Variants in GDF1 observed in about 807,000 individuals in gnomAD.
GDF1 encodes the protein embryonic growth/differentiation factor 1.
Under a neutral mutation model 7.4 loss-of-function variants are expected in GDF1, and 8 were observed. The ratio of observed to expected loss-of-function variants is 1.09; its 90% confidence interval spans 0.64 to 1.96. The LOEUF is 1.96. Among genes scored for constraint, GDF1 ranks in the 30% most tolerant of loss-of-function variants. The pLI, the probability that GDF1 is intolerant of heterozygous loss-of-function variation, is 0.00. For synonymous variants in GDF1, 311 were observed against 276.7 expected (o/e 1.12, Z -1.23); for missense variants, 574 against 551.5 (o/e 1.04, Z -0.41).
chr19:18,883,478 A>C (rs1273042352), intron 3 of GDF1: 1 of 152,178 alleles, frequency 6.6e-6, no homozygotes, highest in Admixed American at 6.5e-5. Context: ...GGCTGCAGTG[A>C]GCAATGGTCA....
At position 18,892,712 on chromosome 19, in the gene GDF1, C is replaced by T. The variant is rs562506157; in HGVS notation, c.-914+704G>A. Among the ~76,000 whole-genome samples, 31 of 152,222 alleles carry T rather than the reference C, an allele frequency of 2.0e-4. 2 individuals carry two copies. The highest frequency in any genetic ancestry group is 6.0e-4 in the African/African-American group (25 of 41,538). ...TGTCCCCATGAAACGTGAGTGCCTC[C>T]GGGCCTTTGCACGTGCTGTTACCGA... is the stretch of plus-strand genomic sequence containing the variant. On this transcript the variant is annotated intron_variant, in intron 2 of 7. Coordinates refer to ENST00000247005, the MANE Select transcript of GDF1 (RefSeq NM_001492.6).
At chr19:18,871,576 A>T (rs2055971920) in intron 6 of GDF1, among the ~76,000 whole-genome samples, 1 of 152,016 alleles carries the variant, frequency 6.6e-6, no homozygotes, top group Non-Finnish European at 1.5e-5. Context: ...TGTAGAGGTG[A>T]GGTTGCTATG....
intron 4 of GDF1, 134 bp downstream of exon 4, chr19:18,880,140 C>G: frequency 2.3e-6 from 2 of 864,324 alleles, no homozygotes; most frequent in South Asian, 1.8e-5. Context: ...AATCATGAGG[C>G]CCCTCCCCTG....
At position 18,878,229 on chromosome 19, in the gene GDF1, A is replaced by G. The variant is rs1227905517; in HGVS notation, c.-313+701T>C. ...TGCTCAAACACTCCTCACGTTGCCT[A>G]TGAGACACTGCACACCCGACTCTGC... On this transcript the variant is annotated intron_variant, in intron 6 of 7. Transcript: ENST00000247005. The surrounding 1 kb of genome is among the most constrained non-coding windows in gnomAD (Gnocchi z 4.6). 1 of 985,454 alleles carries G rather than the reference A, an allele frequency of 1.0e-6. No individual in the cohort carries two copies. The highest frequency in any genetic ancestry group is 1.2e-6 in the Non-Finnish European group (1 of 830,150). 61.0% of individuals were successfully genotyped at this position (985,454 alleles called of 1,614,324 possible). A position where few individuals can be genotyped will look rare whatever the true frequency, so the allele number is the denominator to read the frequency against.
chr19:18,892,475 G>C (rs887980769), intron 2 of GDF1, among the ~76,000 whole-genome samples: 1 of 152,058 alleles, frequency 6.6e-6, no homozygotes. Context: ...TTAGCCGGGC[G>C]TGGTGGCGGG....
chr19:18,869,048 G>T lies in GDF1; in HGVS notation c.668C>A (p.Ala223Asp). ...LRLALALRPR[A>D]PAACARLAEA... is the part of the protein sequence containing the mutation. ...GGCCAGGCGCGCGCAGGCGGCAGGG[G>T]CCCGGGGGCGTAGCGCCAGCGCCAG... The change falls in exon 8 of 8, where the codon GCC becomes GAC. Residue 223 changes from alanine to aspartate, a missense_variant. Physicochemically the swap from Ala to Asp is moderately radical, Grantham distance 126 (BLOSUM62 -2). Transcript: ENST00000247005. 1 of 1,065,752 alleles carries T rather than the reference G, an allele frequency of 9.4e-7. No homozygotes were observed. The allele number at this position is 1,065,752 out of a possible 1,614,324, so 66.0% of individuals were successfully genotyped here.
chr19:18,871,598 G>A (rs1304083989), intron 6 of GDF1, among the ~76,000 whole-genome samples: 1 of 152,162 alleles, frequency 6.6e-6, no homozygotes, highest in Non-Finnish European at 1.5e-5. Flanking sequence ...TGTCCAGGCT[G>A]GTCTCAAACT....
chr19:18,878,717 C>A lies in GDF1; in HGVS notation c.-313+213G>T. ...GCCTGTCGCCCTGCCTGCCCCTCCC[C>A]AGCCTCTCCCTCCCCTTCCTCACTG... On this transcript the variant is annotated intron_variant, in intron 6 of 7. Transcript: ENST00000247005. The surrounding 1 kb of genome is among the most constrained non-coding windows in gnomAD (Gnocchi z 4.6). The A allele has an allele frequency of 7.2e-7, 1 of 1,389,322 alleles. No homozygotes were observed. The highest frequency in any genetic ancestry group is 9.3e-7 in the Non-Finnish European group (1 of 1,069,932). 86.1% of individuals were successfully genotyped at this position (1,389,322 alleles called of 1,614,324 possible). A position where few individuals can be genotyped will look rare whatever the true frequency, so the allele number is the denominator to read the frequency against.
rs1396826999 is a variant in GDF1 at position 18,868,776 on chromosome 19, C to T, written c.940G>A (p.Ala314Thr). The change falls in exon 8 of 8, where the codon GCG becomes ACG. Residue 314 changes from alanine (A) to threonine (T), a missense_variant. Transcript: ENST00000247005. Reference protein sequence around the residue: ...VALSGSGGPPALNHAVLRALM... With the variant: ...VALSGSGGPPTLNHAVLRALM... ...GCGCGCAGCACAGCGTGGTTGAGCG[C>T]CGGCGGCCCCCCGGACCCCGACAGC... The T allele has an allele frequency of 2.0e-6, 3 of 1,469,090 alleles. No individual in the cohort carries two copies. Among genetic ancestry groups the T allele is most frequent in the Non-Finnish European group, 2.7e-6 (3 of 1,102,174 alleles). 91.0% of individuals were successfully genotyped at this position (1,469,090 alleles called of 1,614,324 possible). A position where few individuals can be genotyped will look rare whatever the true frequency, so the allele number is the denominator to read the frequency against.
At chr19:18,875,816 G>A (rs113266702) in intron 6 of GDF1, among the ~76,000 whole-genome samples, 50 of 152,274 alleles carry the variant, frequency 3.3e-4, no homozygotes, top group African/African-American at 1.1e-3. Context: ...CTGGGAAGAC[G>A]GAGACTGAGA....
intron 6 of GDF1, among the ~76,000 whole-genome samples, chr19:18,872,995 C>T (rs1242999849): frequency 6.6e-6 from 1 of 152,184 alleles, no homozygotes; most frequent in African/African-American, 2.4e-5. Flanking sequence ...CTATCCACCA[C>T]TGTGGTGAAA....
At chr19:18,883,711 C>T (rs568885467) in intron 3 of GDF1, among the ~76,000 whole-genome samples, 4 of 152,156 alleles carry the variant, frequency 2.6e-5, no homozygotes, top group Non-Finnish European at 5.9e-5. Flanking sequence ...GTGTCAGCTG[C>T]GTTCACAGCC....
rs758095932 is a variant in GDF1 at position 18,879,021 on chromosome 19, C to T, written c.-404G>A. ...TGCACCTGGCCTGTCAACACCTTGG[C>T]TGCAAACGCCACGATGTACTGCGAG... On this transcript the variant is annotated 5_prime_UTR_variant, in exon 6 of 8. Transcript: ENST00000247005. The T allele has an allele frequency of 1.2e-6, 2 of 1,613,710 alleles. No homozygotes were observed. The highest frequency in any genetic ancestry group is 1.1e-5 in the South Asian group (1 of 91,088).
rs121434423 is a variant in GDF1 at position 18,868,916 on chromosome 19, C to T, written c.800G>A (p.Cys267Tyr). The T allele has an allele frequency of 5.9e-6, 8 of 1,367,468 alleles. No homozygotes were observed. The highest frequency in any genetic ancestry group is 7.6e-6 in the Non-Finnish European group (8 of 1,050,988). 84.7% of individuals were successfully genotyped at this position (1,367,468 alleles called of 1,614,324 possible). A position where few individuals can be genotyped will look rare whatever the true frequency, so the allele number is the denominator to read the frequency against. ...GCTCACGTACAGCCGCCGCGCGCGA[C>T]AAGCGCCCCCGGGGCCGCCGCCCAA... The part of the protein sequence containing the change: ...PVLGGGPGGA[C>Y]RARRLYVSFR... The change falls in exon 8 of 8, where the codon TGT (cysteine) becomes TAT (tyrosine). Residue 267 changes from cysteine to tyrosine, a missense_variant. Cys to Tyr is a radical substitution (Grantham distance 194). Coordinates refer to ENST00000247005, the MANE Select transcript of GDF1 (RefSeq NM_001492.6).
At chr19:18,872,709 T>TTA (rs2055995963) in intron 6 of GDF1, among the ~76,000 whole-genome samples, 17 of 151,890 alleles carry the variant, frequency 1.1e-4, no homozygotes, top group Admixed American at 1.1e-3. Context: ...AGAGATGCGG[T>TTA]TTTACCATGT....
At chr19:18,883,509 G>A (rs1296484319) in intron 3 of GDF1, 1 of 152,224 alleles carries the variant, frequency 6.6e-6, no homozygotes, top group Non-Finnish European at 1.5e-5. Flanking sequence ...CTCCAGCCTG[G>A]GTGACAGAGT....
chr19:18,891,299 G>A (rs2056485136), intron 2 of GDF1, among the ~76,000 whole-genome samples: 1 of 152,118 alleles, frequency 6.6e-6, no homozygotes. Flanking sequence ...AGCCCTCTAG[G>A]CTGTTCCCAT....
At position 18,868,657 on chromosome 19, in the gene GDF1, G is replaced by A. The variant is rs780686644; in HGVS notation, c.1059C>T (p.Ser353=). ...CATACTGCCGCAGCACCACGTTGTC[G>A]CTGTTGTCAAAGAAGAGCACGGAGA... ...SPISVLFFDN[S]DNVVLRQYED... is the part of the protein sequence containing the mutation. The change falls in exon 8 of 8, where the codon AGC becomes AGT. Residue 353 remains serine, a synonymous_variant. Transcript: ENST00000247005. The A allele has an allele frequency of 4.4e-6, 7 of 1,575,198 alleles. No homozygotes were observed. The East Asian group carries it at 1.6e-4, about 37-fold the overall frequency.
chr19:18,870,394 G>C lies in GDF1; in HGVS notation c.-87C>G. Reference sequence around the variant, plus strand: ...TGAGGGCGGGGCCGGTGTCCCCGGAGGGGCAGGGGTCCTGGGGGGCGTGGC... The same window carrying C: ...TGAGGGCGGGGCCGGTGTCCCCGGACGGGCAGGGGTCCTGGGGGGCGTGGC... On this transcript the variant is annotated 5_prime_UTR_variant, in exon 7 of 8. Coordinates refer to ENST00000247005, the MANE Select transcript of GDF1 (RefSeq NM_001492.6). The surrounding 1 kb of genome is among the most constrained non-coding windows in gnomAD (Gnocchi z 5.1). 1 of 1,441,034 alleles carries C rather than the reference G, an allele frequency of 6.9e-7. No homozygotes were observed. The highest frequency in any genetic ancestry group is 9.4e-7 in the Non-Finnish European group (1 of 1,060,772). The allele number at this position is 1,441,034 out of a possible 1,614,324, so 89.3% of individuals were successfully genotyped here. A position where few individuals can be genotyped will look rare whatever the true frequency, so the allele number is the denominator to read the frequency against.
Sources: gnomAD v4.1 joint callset for allele counts (sites outside exome capture counted in the v4.1 genomes callset) on GRCh38, gnomAD v4.1.1 for gene constraint, Gnocchi (gnomAD v3.1) non-coding constraint, MANE v1.5 for transcripts, NCBI Gene and HGNC (gene_info 2026-07-23, HGNC 2026-07-21) for gene names.